The following STK32B variants were observed in gnomAD, a reference collection of about 807,000 sequenced individuals.
The protein encoded by STK32B is serine/threonine kinase 32B, also known as serine/threonine-protein kinase 32B.
STK32B carries 43 observed loss-of-function variants against 52.6 expected under a neutral mutation model. That is an observed-to-expected ratio of 0.82 (90% CI 0.64 to 1.05). The LOEUF (loss-of-function observed/expected upper bound fraction) is 1.05. Ranked by LOEUF, STK32B falls within the 50% of genes least tolerant of loss-of-function variation. The pLI is 0.00. For missense variants in STK32B, 621 were observed against 534.6 expected, an observed-to-expected ratio of 1.16 and a Z score of -1.59; for synonymous variants, 238 against 204.3, an observed-to-expected ratio of 1.17 and a Z score of -1.41.
chr4:5,469,395 C>T lies in STK32B; in HGVS notation c.1106+1325C>T, dbSNP rs1443722335. ...CAGCCTGGGTGGTTGGGGAAGTTCT[C>T]TAGGTGGCGTGCTGGGCCAAGTCCT... On this transcript the variant is annotated intron_variant, in intron 11 of 11. Coordinates refer to ENST00000282908, the MANE Select transcript of STK32B (RefSeq NM_018401.3). The surrounding 1 kb of genome is among the most constrained non-coding windows in gnomAD (Gnocchi z 4.7). Among the ~76,000 whole-genome samples, 1 of 152,206 alleles carries T rather than the reference C, an allele frequency of 6.6e-6. No homozygotes were observed. Among genetic ancestry groups the T allele is most frequent in the Non-Finnish European group, 1.5e-5 (1 of 68,032 alleles).
At chr4:5,157,811 A>G (rs1056422198) in intron 2 of STK32B, among the ~76,000 whole-genome samples, 4 of 152,182 alleles carry the variant, frequency 2.6e-5, no homozygotes, top group Admixed American at 2.6e-4. Flanking sequence ...GCCCAGCCAC[A>G]TGACTCTGGT....
At chr4:5,200,539 G>A (rs139071502) in intron 3 of STK32B, among the ~76,000 whole-genome samples, 3 of 152,246 alleles carry the variant, frequency 2.0e-5, no homozygotes, top group South Asian at 2.1e-4. Context: ...CACAGGGATC[G>A]TGCGGCAGAT....
intron 3 of STK32B, among the ~76,000 whole-genome samples, chr4:5,190,593 C>T (rs1721107218): frequency 6.6e-6 from 1 of 152,146 alleles, no homozygotes; most frequent in African/African-American, 2.4e-5. Context: ...AGAGTCATAG[C>T]TCACCCTGAA....
At chr4:5,202,523 G>T (rs1164841851) in intron 3 of STK32B, among the ~76,000 whole-genome samples, 1 of 152,218 alleles carries the variant, frequency 6.6e-6, no homozygotes, top group African/African-American at 2.4e-5. Flanking sequence ...TCTGTGAGAG[G>T]GTCTCAACCC....
Position 5,317,245 on chromosome 4 carries a change from TATATATAACATATAACATATATATA to T in STK32B, c.261-13941_261-13917del, listed in dbSNP as rs1560313464. Among the ~76,000 whole-genome samples, 157 of 35,292 alleles carry T rather than the reference TATATATAACATATAACATATATATA, an allele frequency of 4.4e-3. 3 individuals carry two copies. Among genetic ancestry groups the T allele is most frequent in the Admixed American group, 9.8e-3 (19 of 1,942 alleles). 23.2% of individuals were successfully genotyped at this position (35,292 alleles called of 152,430 possible). On this transcript the variant is annotated intron_variant, in intron 3 of 11. Coordinates refer to ENST00000282908, the MANE Select transcript of STK32B (RefSeq NM_018401.3). ...TATATTATATATAACATATATATAT[TATATATAACATATAACATATATATA>T]ATATATAACATATAACATATATATA...
intron 11 of STK32B, among the ~76,000 whole-genome samples, chr4:5,473,252 G>C (rs755193626): frequency 4.6e-5 from 7 of 152,176 alleles, no homozygotes; most frequent in Non-Finnish European, 8.8e-5. Context: ...CTGGGAGCAA[G>C]GCCCCTGCTC....
intron 4 of STK32B, among the ~76,000 whole-genome samples, chr4:5,382,105 T>G (rs1026297344): frequency 6.6e-6 from 1 of 152,204 alleles, no homozygotes; most frequent in African/African-American, 2.4e-5. Context: ...TGAGCCTGCC[T>G]GCATTATGGA....
chr4:5,066,460 G>A (rs949471775), intron 1 of STK32B, among the ~76,000 whole-genome samples: 26 of 152,126 alleles, frequency 1.7e-4, no homozygotes, highest in Non-Finnish European at 3.2e-4. Flanking sequence ...GTATGATCGT[G>A]TCGGTTCCTT....
intron 3 of STK32B, among the ~76,000 whole-genome samples, chr4:5,236,755 C>A (rs1724666993): frequency 6.6e-6 from 1 of 152,180 alleles, no homozygotes; most frequent in Non-Finnish European, 1.5e-5. Context: ...CATGAATACA[C>A]CACAATTTAT....
intron 1 of STK32B, among the ~76,000 whole-genome samples, chr4:5,061,536 G>A (rs1191967584): frequency 6.6e-6 from 1 of 152,072 alleles, no homozygotes; most frequent in Non-Finnish European, 1.5e-5. Flanking sequence ...TTGCATGCTG[G>A]GTATTACATA....
At chr4:5,422,580 T>A (rs1029521324) in intron 6 of STK32B, among the ~76,000 whole-genome samples, 9 of 152,170 alleles carry the variant, frequency 5.9e-5, no homozygotes, top group African/African-American at 2.2e-4. Flanking sequence ...AGCAGCCACG[T>A]GGGGCTTCAG....
chr4:5,488,344 C>T (rs1719406884), intron 11 of STK32B, among the ~76,000 whole-genome samples: 1 of 152,150 alleles, frequency 6.6e-6, no homozygotes, highest in Admixed American at 6.5e-5. Context: ...TAATGGTGAG[C>T]ACTCTGGACT....
chr4:5,068,469 G>C (rs1027908184), intron 1 of STK32B, among the ~76,000 whole-genome samples: 3 of 152,182 alleles, frequency 2.0e-5, no homozygotes, highest in African/African-American at 7.2e-5. Flanking sequence ...CAGTGTGAGA[G>C]AGGTTTTGTT....
chr4:5,458,214 C>T (rs1050861458), intron 8 of STK32B, among the ~76,000 whole-genome samples: 11 of 152,112 alleles, frequency 7.2e-5, no homozygotes, highest in Non-Finnish European at 1.6e-4. Context: ...CCGACATGGG[C>T]GGGAGATCTT....
intron 3 of STK32B, among the ~76,000 whole-genome samples, chr4:5,284,145 T>G (rs1274737953): frequency 6.6e-6 from 1 of 152,162 alleles, no homozygotes; most frequent in Admixed American, 6.5e-5. Context: ...AAGGCACATT[T>G]TTATCATCTT....
At chr4:5,249,745 G>C (rs1725780707) in intron 3 of STK32B, among the ~76,000 whole-genome samples, 1 of 151,788 alleles carries the variant, frequency 6.6e-6, no homozygotes, top group African/African-American at 2.4e-5. Flanking sequence ...TCTCAGTCTG[G>C]CTCTCTCTTA....
At chr4:5,304,061 T>G (rs999962858) in intron 3 of STK32B, among the ~76,000 whole-genome samples, 1 of 152,168 alleles carries the variant, frequency 6.6e-6, no homozygotes, top group Non-Finnish European at 1.5e-5. Context: ...ACCAGTACCA[T>G]GCTGTTTGGG....
intron 3 of STK32B, among the ~76,000 whole-genome samples, chr4:5,299,879 C>T (rs1729442678): frequency 6.6e-6 from 1 of 152,162 alleles, no homozygotes; most frequent in Non-Finnish European, 1.5e-5. Flanking sequence ...AGAGCTGGTA[C>T]CAATCCACTG....
chr4:5,442,771 C>G (rs1577506486), intron 6 of STK32B, among the ~76,000 whole-genome samples: 1 of 152,178 alleles, frequency 6.6e-6, no homozygotes, highest in African/African-American at 2.4e-5. Flanking sequence ...TTTAGTTCTT[C>G]CTTCAGGAGC....
Sources: allele counts gnomAD v4.1 joint callset (sites outside exome capture counted in the v4.1 genomes callset), GRCh38; gene constraint gnomAD v4.1.1; non-coding constraint Gnocchi (gnomAD v3.1); transcripts MANE v1.5; gene names NCBI Gene and HGNC (gene_info 2026-07-23, HGNC 2026-07-21).